The following ANO3 variants were observed in gnomAD, a reference collection of about 807,000 sequenced individuals.
ANO3 encodes anoctamin-3.
Under a neutral mutation model 144.8 loss-of-function variants are expected in ANO3, and 99 were observed. That is an observed-to-expected ratio of 0.68 (90% CI 0.58 to 0.81). ANO3 has a LOEUF of 0.81. Among genes scored for constraint, ANO3 ranks in the 30% least tolerant of loss-of-function variants. The pLI, the probability that ANO3 is intolerant of heterozygous loss-of-function variation, is 0.00. For synonymous variants in ANO3, 414 were observed against 392.6 expected (o/e 1.05, Z -0.64); for missense variants, 905 against 1,202.2 (o/e 0.75, Z 3.66).
intron 3 of ANO3, among the ~76,000 whole-genome samples, chr11:26,452,030 T>A (rs1858963614): frequency 6.6e-6 from 1 of 152,164 alleles, no homozygotes; most frequent in African/African-American, 2.4e-5. Flanking sequence ...GAGGGTCCTG[T>A]CTGTTAGAAG....
At chr11:26,419,452 T>A (rs1055466440) in intron 1 of ANO3, among the ~76,000 whole-genome samples, 3 of 152,124 alleles carry the variant, frequency 2.0e-5, no homozygotes, top group African/African-American at 7.2e-5. Context: ...CTAAAAAGAA[T>A]GCCTACCATG....
chr11:26,537,365 T>C (rs368302855), intron 9 of ANO3, 41 bp from the exon 10 acceptor site: 51 of 1,501,554 alleles, frequency 3.4e-5, no homozygotes, highest in Non-Finnish European at 4.5e-5. Flanking sequence ...AAATGTTTCA[T>C]TGAAACTAAC....
intron 14 of ANO3, among the ~76,000 whole-genome samples, chr11:26,574,338 A>C (rs1371194877): frequency 6.6e-6 from 1 of 152,162 alleles, no homozygotes; most frequent in African/African-American, 2.4e-5. Context: ...CCACACTTCA[A>C]ACTAATTGAA....
At chr11:26,517,470 G>A (rs1024957821) in intron 6 of ANO3, among the ~76,000 whole-genome samples, 5 of 151,934 alleles carry the variant, frequency 3.3e-5, no homozygotes, top group African/African-American at 7.2e-5. Flanking sequence ...ATAGACATCC[G>A]TTTCCCTATA....
At chr11:26,408,064 G>A (rs1023265938) in intron 1 of ANO3, among the ~76,000 whole-genome samples, 68 of 152,070 alleles carry the variant, frequency 4.5e-4, no homozygotes, top group African/African-American at 1.5e-3. Flanking sequence ...ATAGACATGG[G>A]CAAGGACTTC....
At chr11:26,467,479 C>G (rs1467380468) in intron 4 of ANO3, among the ~76,000 whole-genome samples, 2 of 151,838 alleles carry the variant, frequency 1.3e-5, no homozygotes, top group African/African-American at 4.8e-5. Context: ...CTTTCTATCT[C>G]TGAGTTAATT....
At chr11:26,451,277 C>A (rs558441743) in intron 3 of ANO3, among the ~76,000 whole-genome samples, 85 of 152,318 alleles carry the variant, frequency 5.6e-4, no homozygotes, top group Middle Eastern at 3.4e-3. Flanking sequence ...CGAAGCAGGG[C>A]AAGGCATTGC....
At chr11:26,565,509 A>T in intron 14 of ANO3, 2 of 1,613,414 alleles carry the variant, frequency 1.2e-6, no homozygotes, top group South Asian at 2.2e-5. Flanking sequence ...CACTTTAGAA[A>T]CAAAGCTATG....
At chr11:26,395,438 T>A (rs76625993) in intron 1 of ANO3, among the ~76,000 whole-genome samples, 4 of 152,096 alleles carry the variant, frequency 2.6e-5, no homozygotes, top group African/African-American at 9.7e-5. Flanking sequence ...TTGTTTGTGT[T>A]CTCTCTTATT....
In ANO3 at chr11:26,313,348, T is replaced by G. The variant is rs546233991; in HGVS notation, c.-3+3629T>G. ...TTAGAAGAATCAATATTAAATTAGGTGCAGTAACGTAATTTCTTAGAGTCT... is the reference window on the plus strand; with the variant it reads ...TTAGAAGAATCAATATTAAATTAGGGGCAGTAACGTAATTTCTTAGAGTCT... On this transcript the variant is annotated intron_variant, in intron 1 of 26. Coordinates refer to the ANO3 transcript ENST00000525139. Among the ~76,000 whole-genome samples, 5 of 152,232 alleles carry G rather than the reference T, an allele frequency of 3.3e-5. No individual in the cohort carries two copies. In the East Asian group the frequency reaches 7.7e-4, roughly 24 times the overall value.
intron 4 of ANO3, among the ~76,000 whole-genome samples, chr11:26,497,687 C>T (rs1861022526): frequency 6.6e-6 from 1 of 151,906 alleles, no homozygotes; most frequent in Non-Finnish European, 1.5e-5. Flanking sequence ...AATGAAAACT[C>T]TTGTTTGTTT....
intron 1 of ANO3, among the ~76,000 whole-genome samples, chr11:26,224,578 G>A (rs1852217990): frequency 1.3e-5 from 2 of 152,200 alleles, no homozygotes; most frequent in Non-Finnish European, 2.9e-5. Flanking sequence ...TCATCCAGTG[G>A]CCCAGGGCCA....
intron 1 of ANO3, chr11:26,427,295 C>T (rs1167698828): frequency 6.5e-6 from 1 of 154,082 alleles, no homozygotes; most frequent in Non-Finnish European, 1.5e-5. Flanking sequence ...CCTCCCTCCA[C>T]CTGCACCTTG....
At chr11:26,269,088 A>G (rs1432319594) in intron 1 of ANO3, among the ~76,000 whole-genome samples, 1 of 152,182 alleles carries the variant, frequency 6.6e-6, no homozygotes, top group Non-Finnish European at 1.5e-5. Context: ...GCAGGAGGCT[A>G]TGCCTTACAA....
chr11:26,301,327 T>C (rs1052918056), intron 1 of ANO3, among the ~76,000 whole-genome samples: 39 of 152,232 alleles, frequency 2.6e-4, no homozygotes, highest in South Asian at 8.3e-4. Context: ...GGTTAGGTAA[T>C]TGAGCTTTCT....
chr11:26,453,445 A>G (rs1239639738), intron 3 of ANO3, among the ~76,000 whole-genome samples: 1 of 152,164 alleles, frequency 6.6e-6, no homozygotes, highest in African/African-American at 2.4e-5. Flanking sequence ...CTCTGATAAA[A>G]CAGGCTTTAA....
At chr11:26,659,647 T>C (rs1005794430) in intron 26 of ANO3, among the ~76,000 whole-genome samples, 3 of 152,030 alleles carry the variant, frequency 2.0e-5, no homozygotes, top group African/African-American at 7.2e-5. Context: ...GAGTCAGCTG[T>C]GTATATGCCA....
intron 1 of ANO3, among the ~76,000 whole-genome samples, chr11:26,196,803 G>A (rs1376871891): frequency 6.6e-6 from 1 of 152,124 alleles, no homozygotes; most frequent in African/African-American, 2.4e-5. Flanking sequence ...ACCAAAAAAG[G>A]TGAGCAGAAT....
chr11:26,554,221 G>A (rs1850020408), intron 13 of ANO3, among the ~76,000 whole-genome samples: 1 of 152,060 alleles, frequency 6.6e-6, no homozygotes, highest in Non-Finnish European at 1.5e-5. Flanking sequence ...CTTTCACACA[G>A]CATATGTATT....
Sources: gnomAD v4.1 joint callset for allele counts (sites outside exome capture counted in the v4.1 genomes callset) on GRCh38, gnomAD v4.1.1 for gene constraint, MANE v1.5 for transcripts, NCBI Gene and HGNC (gene_info 2026-07-23, HGNC 2026-07-21) for gene names.